Variants in TENM2 observed in about 807,000 individuals in gnomAD.
The protein encoded by TENM2 is teneurin transmembrane protein 2.
Under a neutral mutation model 245.2 loss-of-function variants are expected in TENM2, and 52 were observed. That is an observed-to-expected ratio of 0.21 (90% CI 0.17 to 0.27). The LOEUF (loss-of-function observed/expected upper bound fraction) is 0.27, where lower values mean the gene tolerates loss of function less well. Among genes scored for constraint, TENM2 ranks in the 10% least tolerant of loss-of-function variants. The probability of loss-of-function intolerance (pLI) is 1.00; values close to 1 mark genes in which losing one functional copy is unlikely to be tolerated. For synonymous variants in TENM2, 1,363 were observed against 1,438.9 expected (o/e 0.95, Z 1.19); for missense variants, 3,046 against 3,666.8 (o/e 0.83, Z 4.37).
the TENM2 span, among the ~76,000 whole-genome samples, chr5:167,108,991 A>G: frequency 6.6e-6 from 1 of 152,196 alleles, no homozygotes; most frequent in African/African-American, 2.4e-5. Flanking sequence ...AAAGCTTAGT[A>G]GCTAATTTGA....
the TENM2 span, among the ~76,000 whole-genome samples, chr5:166,997,294 AC>A: frequency 6.6e-6 from 1 of 152,232 alleles, no homozygotes; most frequent in African/African-American, 2.4e-5. Flanking sequence ...TATTCTAAGC[AC>A]TTTACATATA....
intron 3 of TENM2, among the ~76,000 whole-genome samples, chr5:167,879,760 C>T (rs1773722657): frequency 6.6e-6 from 1 of 152,152 alleles, no homozygotes; most frequent in South Asian, 2.1e-4. Context: ...CCAAGATGCC[C>T]TAGCTAGGAC....
intron 2 of TENM2, among the ~76,000 whole-genome samples, chr5:167,537,883 A>G (rs549658703): frequency 6.6e-6 from 1 of 152,358 alleles, no homozygotes; most frequent in Admixed American, 6.5e-5. Flanking sequence ...GTATTTCTTC[A>G]ATACACTTCT....
chr5:167,367,747 CAT>C (rs906566961), intron 1 of TENM2, among the ~76,000 whole-genome samples: 73 of 151,932 alleles, frequency 4.8e-4, no homozygotes, highest in Non-Finnish European at 1.8e-4. Context: ...TTAAATATAA[CAT>C]ATTTAAATGC....
intron 3 of TENM2, among the ~76,000 whole-genome samples, chr5:167,920,532 C>T (rs1158014131): frequency 6.7e-6 from 1 of 150,064 alleles, no homozygotes; most frequent in Non-Finnish European, 1.5e-5. Context: ...CACACACACA[C>T]ACACACACAC....
intron 5 of TENM2, among the ~76,000 whole-genome samples, chr5:168,034,335 C>T (rs1189323272): frequency 2.2e-5 from 3 of 138,884 alleles, no homozygotes; most frequent in Non-Finnish European, 4.6e-5. Context: ...AGTGAGACTC[C>T]GTCTAAAAAA....
At chr5:168,091,771 A>C (rs1792965956) in intron 8 of TENM2, among the ~76,000 whole-genome samples, 1 of 152,222 alleles carries the variant, frequency 6.6e-6, no homozygotes, top group Non-Finnish European at 1.5e-5. Flanking sequence ...TTTTAGCTGT[A>C]GATCTCAAGA....
intron 3 of TENM2, among the ~76,000 whole-genome samples, chr5:167,884,026 C>T (rs1379266954): frequency 6.6e-6 from 1 of 152,192 alleles, no homozygotes; most frequent in East Asian, 1.9e-4. Context: ...ATAGCTCAGC[C>T]ACTTTCTAAC....
chr5:167,213,988 A>G, the TENM2 span, among the ~76,000 whole-genome samples: 9 of 152,210 alleles, frequency 5.9e-5, no homozygotes, highest in Non-Finnish European at 1.2e-4. Flanking sequence ...CAGAAGTGGA[A>G]TAATTGTCCT....
intron 3 of TENM2, among the ~76,000 whole-genome samples, chr5:167,876,849 C>G (rs1773467244): frequency 6.6e-6 from 1 of 152,098 alleles, no homozygotes; most frequent in Non-Finnish European, 1.5e-5. Context: ...TTGGTTTTCT[C>G]ATTCATGGAA....
At chr5:167,553,096 C>T (rs1330029576) in intron 2 of TENM2, among the ~76,000 whole-genome samples, 2 of 152,152 alleles carry the variant, frequency 1.3e-5, no homozygotes, top group African/African-American at 4.8e-5. Flanking sequence ...GGACACACAG[C>T]AAAGGAAACT....
intron 8 of TENM2, among the ~76,000 whole-genome samples, chr5:168,096,108 C>T (rs566724441): frequency 6.6e-6 from 1 of 152,236 alleles, no homozygotes; most frequent in South Asian, 2.1e-4. Flanking sequence ...TAAACCTGCC[C>T]TTTACTCAGG....
intron 2 of TENM2, among the ~76,000 whole-genome samples, chr5:167,610,594 T>C (rs1269248917): frequency 1.3e-5 from 2 of 152,186 alleles, no homozygotes; most frequent in Admixed American, 1.3e-4. Flanking sequence ...TTACTTCTTA[T>C]ATCATATCAC....
intron 19 of TENM2, among the ~76,000 whole-genome samples, chr5:168,204,825 T>C (rs1388322101): frequency 6.6e-6 from 1 of 152,216 alleles, no homozygotes; most frequent in African/African-American, 2.4e-5. Flanking sequence ...GATACAATAG[T>C]CAACAACTGA....
the TENM2 span, among the ~76,000 whole-genome samples, chr5:167,068,394 G>A: frequency 3.0e-4 from 45 of 152,256 alleles, no homozygotes; most frequent in Non-Finnish European, 5.0e-4. Flanking sequence ...AGCCACATGC[G>A]TTATTGTAAA....
chr5:167,231,507 T>C, the TENM2 span, among the ~76,000 whole-genome samples: 593 of 152,316 alleles, frequency 3.9e-3, 2 homozygotes, highest in African/African-American at 0.014. Context: ...TAGAGATCTT[T>C]GGAACTTTGA....
chr5:168,143,902 A>G (rs1897556), intron 12 of TENM2, among the ~76,000 whole-genome samples: 2 of 134,688 alleles, frequency 1.5e-5, no homozygotes, highest in Non-Finnish European at 3.0e-5. Context: ...CAGGCTGGAG[A>G]GCAGTGGCGC....
At chr5:168,201,698 C>T (rs1471026511) in intron 17 of TENM2, among the ~76,000 whole-genome samples, 2 of 152,198 alleles carry the variant, frequency 1.3e-5, no homozygotes, top group Non-Finnish European at 2.9e-5. Flanking sequence ...TACTTTGTCT[C>T]AGGATCCCAT....
chr5:167,963,816 G>A (rs1225673201), intron 4 of TENM2, among the ~76,000 whole-genome samples: 1 of 152,054 alleles, frequency 6.6e-6, no homozygotes, highest in African/African-American at 2.4e-5. Context: ...GTACATTGGA[G>A]GGGCTGATTA....
Sources: allele counts gnomAD v4.1 joint callset (sites outside exome capture counted in the v4.1 genomes callset), GRCh38; gene constraint gnomAD v4.1.1; transcripts MANE v1.5; gene names NCBI Gene and HGNC (gene_info 2026-07-23, HGNC 2026-07-21).